The following CCSER1 variants were observed in gnomAD, a reference collection of about 807,000 sequenced individuals.
The protein encoded by CCSER1 is serine-rich coiled-coil domain-containing protein 1.
CCSER1 carries 41 observed loss-of-function variants against 82.0 expected under a neutral mutation model. That is an observed-to-expected ratio of 0.50 (90% CI 0.39 to 0.65). The LOEUF (loss-of-function observed/expected upper bound fraction) is 0.65. Among genes scored for constraint, CCSER1 ranks in the 30% least tolerant of loss-of-function variants. The probability of loss-of-function intolerance (pLI) is 0.00; values close to 1 mark genes in which losing one functional copy is unlikely to be tolerated. For synonymous variants in CCSER1, 414 were observed against 383.9 expected, an observed-to-expected ratio of 1.08 and a Z score of -0.92; for missense variants, 1,119 against 1,064.2, an observed-to-expected ratio of 1.05 and a Z score of -0.72.
At chr4:90,469,883 T>C (rs1178977153) in intron 5 of CCSER1, among the ~76,000 whole-genome samples, 1 of 152,160 alleles carries the variant, frequency 6.6e-6, no homozygotes, top group Admixed American at 6.5e-5. Context: ...TTCAGATGTT[T>C]TCAGATTTTG....
intron 5 of CCSER1, among the ~76,000 whole-genome samples, chr4:90,622,576 T>C (rs1722520954): frequency 6.6e-6 from 1 of 152,134 alleles, no homozygotes; most frequent in South Asian, 2.1e-4. Context: ...GCTTCATCCA[T>C]GTCACTACAA....
At position 90,281,584 on chromosome 4, in the gene CCSER1, C is replaced by T. The variant is rs183965586; in HGVS notation, c.-41-26660C>T. The stretch of plus-strand genomic sequence containing the variant: ...TCCCAGCCTGTCCAGGCCCAGGTGA[C>T]GTTCTTTGTTCATTGCTTAATAAGA... On this transcript the variant is annotated intron_variant, in intron 1 of 10. Transcript: ENST00000509176. 2.2e-3 allele frequency among the ~76,000 whole-genome samples: 329 copies of T among 151,944 alleles called. 2 individuals are homozygous for T. Among genetic ancestry groups the T allele is most frequent in the African/African-American group, 7.7e-3 (318 of 41,486 alleles).
At chr4:90,566,824 A>G (rs1016542678) in intron 5 of CCSER1, among the ~76,000 whole-genome samples, 4 of 151,780 alleles carry the variant, frequency 2.6e-5, no homozygotes, top group Admixed American at 6.6e-5. Flanking sequence ...GGATGTTCTC[A>G]ATCTCCTGAC....
intron 10 of CCSER1, among the ~76,000 whole-genome samples, chr4:91,334,178 G>A (rs190450549): frequency 2.0e-5 from 3 of 152,056 alleles, no homozygotes; most frequent in African/African-American, 4.8e-5. Context: ...TGATAATAGC[G>A]ACAAAATCAC....
intron 5 of CCSER1, among the ~76,000 whole-genome samples, chr4:90,580,136 A>C (rs1781263972): frequency 6.6e-6 from 1 of 152,170 alleles, no homozygotes; most frequent in African/African-American, 2.4e-5. Context: ...ATTACTTTTC[A>C]AAATACATGC....
intron 10 of CCSER1, among the ~76,000 whole-genome samples, chr4:91,243,190 C>T (rs957932591): frequency 3.3e-5 from 5 of 152,178 alleles, no homozygotes; most frequent in Admixed American, 3.3e-4. Flanking sequence ...TAGCCAGTGC[C>T]CGCACCTGGA....
intron 5 of CCSER1, among the ~76,000 whole-genome samples, chr4:90,603,408 A>G (rs1784267580): frequency 6.6e-6 from 1 of 152,208 alleles, no homozygotes. Context: ...CAGCCCTGCC[A>G]GAGAATAATG....
intron 10 of CCSER1, among the ~76,000 whole-genome samples, chr4:91,149,443 A>T (rs1052867947): frequency 1.3e-5 from 2 of 152,120 alleles, no homozygotes; most frequent in Non-Finnish European, 2.9e-5. Flanking sequence ...ATTCACTCTG[A>T]TGGTAGTTTC....
intron 3 of CCSER1, among the ~76,000 whole-genome samples, chr4:90,365,780 A>G (rs577644365): frequency 6.6e-5 from 10 of 152,052 alleles, no homozygotes; most frequent in African/African-American, 2.4e-4. Context: ...TAAAGTAAAT[A>G]CATATTTAAA....
chr4:90,360,441 C>T (rs528753870), intron 3 of CCSER1, among the ~76,000 whole-genome samples: 26 of 150,534 alleles, frequency 1.7e-4, no homozygotes, highest in Admixed American at 1.4e-3. Context: ...GCTCGGGAGG[C>T]TGAGGCAGGA....
intron 6 of CCSER1, among the ~76,000 whole-genome samples, chr4:90,653,169 G>A (rs1273436096): frequency 2.0e-5 from 3 of 152,024 alleles, no homozygotes; most frequent in Non-Finnish European, 4.4e-5. Flanking sequence ...AGCTGTCAGA[G>A]CTGTGTAATT....
intron 8 of CCSER1, among the ~76,000 whole-genome samples, chr4:90,857,024 T>C (rs1265660001): frequency 1.3e-5 from 2 of 151,998 alleles, no homozygotes; most frequent in African/African-American, 4.8e-5. Flanking sequence ...TATCTTTTAC[T>C]TCAATCGCAT....
intron 10 of CCSER1, among the ~76,000 whole-genome samples, chr4:91,545,588 C>T (rs1057421785): frequency 7.9e-5 from 12 of 152,192 alleles, no homozygotes; most frequent in African/African-American, 2.7e-4. Flanking sequence ...AAATTCCACT[C>T]ATTCATTGCC....
At chr4:90,727,542 A>T (rs1185002715) in intron 7 of CCSER1, among the ~76,000 whole-genome samples, 1 of 151,946 alleles carries the variant, frequency 6.6e-6, no homozygotes, top group Non-Finnish European at 1.5e-5. Context: ...TTCCTATCTC[A>T]TCTGCCTGAC....
chr4:90,773,401 A>G (rs1044654876), intron 7 of CCSER1, among the ~76,000 whole-genome samples: 6 of 152,216 alleles, frequency 3.9e-5, no homozygotes, highest in African/African-American at 1.4e-4. Context: ...GAAGACTGCT[A>G]GGGAACCTTA....
intron 10 of CCSER1, among the ~76,000 whole-genome samples, chr4:91,100,355 A>C (rs928067190): frequency 4.8e-5 from 7 of 146,208 alleles, no homozygotes; most frequent in Admixed American, 2.1e-4. Context: ...AGCACCCAAT[A>C]CATGGCAACA....
intron 10 of CCSER1, among the ~76,000 whole-genome samples, chr4:91,159,680 AT>A (rs1378232930): frequency 1.3e-5 from 2 of 151,930 alleles, no homozygotes; most frequent in Non-Finnish European, 2.9e-5. Context: ...GCAGATAATT[AT>A]TTTTAAAAAT....
chr4:90,263,842 C>G (rs1381454710), intron 1 of CCSER1, among the ~76,000 whole-genome samples: 1 of 152,100 alleles, frequency 6.6e-6, no homozygotes, highest in African/African-American at 2.4e-5. Context: ...TCCATAACCC[C>G]TTTGTGAATT....
At chr4:91,421,592 C>A (rs1753686203) in intron 10 of CCSER1, among the ~76,000 whole-genome samples, 1 of 151,994 alleles carries the variant, frequency 6.6e-6, no homozygotes, top group Non-Finnish European at 1.5e-5. Context: ...CATAGACACA[C>A]CCAGATAAAA....
Sources: gnomAD v4.1 joint callset for allele counts (sites outside exome capture counted in the v4.1 genomes callset) on GRCh38, gnomAD v4.1.1 for gene constraint, MANE v1.5 for transcripts, NCBI Gene and HGNC (gene_info 2026-07-23, HGNC 2026-07-21) for gene names.